Variants in AVEN observed in about 807,000 individuals in gnomAD.
AVEN encodes apoptosis and caspase activation inhibitor, also known as cell death regulator Aven.
AVEN carries 41 observed loss-of-function variants against 38.1 expected under a neutral mutation model. The ratio of observed to expected loss-of-function variants is 1.08; its 90% CI spans 0.84 to 1.40. The LOEUF is 1.40. Among genes scored for constraint, AVEN ranks in the 40% most tolerant of loss-of-function variants. The pLI, the probability that AVEN is intolerant of heterozygous loss-of-function variation, is 0.00. For synonymous variants in AVEN, 206 were observed against 171.8 expected, an observed-to-expected ratio of 1.20 and a Z score of -1.56; for missense variants, 605 against 438.8, an observed-to-expected ratio of 1.38 and a Z score of -3.38.
upstream of AVEN, among the ~76,000 whole-genome samples, chr15:34,039,415 A>AG (rs1226972475): frequency 1.3e-5 from 2 of 151,662 alleles, no homozygotes; most frequent in Non-Finnish European, 2.9e-5. Context: ...CTCTCGGAAA[A>AG]AAAAAGTTTA....
intron 2 of AVEN, among the ~76,000 whole-genome samples, chr15:33,921,931 G>A (rs913066257): frequency 1.3e-5 from 2 of 152,140 alleles, no homozygotes; most frequent in Admixed American, 6.5e-5. Flanking sequence ...AGAGCAGGGA[G>A]CGGAGGGTGG....
intron 1 of AVEN, among the ~76,000 whole-genome samples, chr15:34,036,513 A>G (rs1899135171): frequency 6.6e-6 from 1 of 152,196 alleles, no homozygotes; most frequent in South Asian, 2.1e-4. Context: ...AGAAGGCTTC[A>G]GGAAAGTCAA....
At chr15:34,016,611 TCAA>T (rs1352090777) in intron 1 of AVEN, among the ~76,000 whole-genome samples, 1 of 152,168 alleles carries the variant, frequency 6.6e-6, no homozygotes, top group Non-Finnish European at 1.5e-5. Context: ...TTTGATCCAG[TCAA>T]CAAACTTTTC....
At chr15:34,047,496 C>T (rs1379740089) in intron 5 of AVEN, among the ~76,000 whole-genome samples, 1 of 152,176 alleles carries the variant, frequency 6.6e-6, no homozygotes, top group Admixed American at 6.5e-5. Flanking sequence ...TTTCTGCAGG[C>T]CCCACTTCCC....
intron 1 of AVEN, among the ~76,000 whole-genome samples, chr15:34,003,683 T>C (rs1266078182): frequency 1.3e-5 from 2 of 152,232 alleles, no homozygotes; most frequent in Non-Finnish European, 1.5e-5. Context: ...AACTTAAACA[T>C]ATATTACTAG....
In AVEN at chr15:33,867,840, C is replaced by T. The variant is rs1442694896; in HGVS notation, c.628G>A (p.Glu210Lys). Residue 210 changes from glutamate to lysine, a missense_variant, in exon 5 of 6, where the codon GAG (glutamate) becomes AAG (lysine). By Grantham distance (56) the Glu-to-Lys change is moderately conservative. Transcript: ENST00000306730. Reference protein sequence around the residue: ...AELVQGTVPLEVPQVKPKRTD... With the variant: ...AELVQGTVPLKVPQVKPKRTD... ...CTCTTTGGTTTCACCTGAGGAACCTCTAAAGGAACTGTACCCTGAAAGAGA... is the reference window on the plus strand; with the variant it reads ...CTCTTTGGTTTCACCTGAGGAACCTTTAAAGGAACTGTACCCTGAAAGAGA... The T allele has an allele frequency of 1.3e-6, 2 of 1,589,626 alleles. No individual in the cohort carries two copies. The highest frequency in any genetic ancestry group is 2.7e-5 in the African/African-American group (2 of 73,398).
intron 1 of AVEN, among the ~76,000 whole-genome samples, chr15:34,073,512 CTTTTTTCT>C (rs1217874323): frequency 8.6e-6 from 1 of 116,188 alleles, no homozygotes; most frequent in African/African-American, 3.2e-5. Context: ...CTTTTCTTTT[CTTTTTTCT>C]TTTTTTTTTT....
chr15:34,057,862 C>A (rs1458300907), intron 5 of AVEN, among the ~76,000 whole-genome samples: 2 of 152,082 alleles, frequency 1.3e-5, no homozygotes, highest in Non-Finnish European at 2.9e-5. Context: ...CTGACCAATG[C>A]CAAATTGTGA....
chr15:34,042,668 G>A (rs999784077), upstream of AVEN, among the ~76,000 whole-genome samples: 8 of 151,920 alleles, frequency 5.3e-5, no homozygotes, highest in Admixed American at 2.6e-4. Flanking sequence ...CTCCCAAAGT[G>A]CTGGGATTAC....
downstream of AVEN, chr15:33,864,902 G>A (rs1189277623): frequency 6.2e-6 from 3 of 483,526 alleles, no homozygotes; most frequent in Non-Finnish European, 1.1e-5. Flanking sequence ...TTGCTTGTTT[G>A]GGGCAGAGGG....
chr15:33,932,904 A>G (rs1469004446), intron 2 of AVEN, among the ~76,000 whole-genome samples: 1 of 152,166 alleles, frequency 6.6e-6, no homozygotes, highest in Non-Finnish European at 1.5e-5. Flanking sequence ...TGTTAAATCA[A>G]TATAGTGGGT....
intron 2 of AVEN, chr15:33,991,835 C>T (rs1896738695): frequency 6.6e-6 from 1 of 151,952 alleles, no homozygotes; most frequent in African/African-American, 2.4e-5. Context: ...GCAAAATCAC[C>T]AAGAATCTCT....
At chr15:33,906,703 A>G (rs1892712834) in intron 2 of AVEN, among the ~76,000 whole-genome samples, 1 of 152,234 alleles carries the variant, frequency 6.6e-6, no homozygotes, top group South Asian at 2.1e-4. Flanking sequence ...GACAGAAAGT[A>G]ACATGGTGGT....
intron 2 of AVEN, among the ~76,000 whole-genome samples, chr15:33,907,519 C>T (rs1218433829): frequency 6.6e-6 from 1 of 152,114 alleles, no homozygotes; most frequent in Non-Finnish European, 1.5e-5. Context: ...TAAGTCAGCT[C>T]ATCAGGAAGG....
intron 11 of AVEN, chr15:33,861,104 C>G (rs1158523988): frequency 6.3e-7 from 1 of 1,594,690 alleles, no homozygotes; most frequent in Non-Finnish European, 8.6e-7. Flanking sequence ...GTGGGATTGG[C>G]AATGACTACT....
intron 1 of AVEN, among the ~76,000 whole-genome samples, chr15:34,011,070 T>C (rs910759097): frequency 6.6e-6 from 1 of 152,126 alleles, no homozygotes; most frequent in African/African-American, 2.4e-5. Context: ...CTCATTCCTA[T>C]AATACCTGCA....
intron 2 of AVEN, among the ~76,000 whole-genome samples, chr15:33,891,070 C>T (rs1891931088): frequency 1.3e-5 from 2 of 152,018 alleles, no homozygotes; most frequent in Non-Finnish European, 2.9e-5. Flanking sequence ...GATCACACCA[C>T]TGCACTCCAG....
intron 2 of AVEN, among the ~76,000 whole-genome samples, chr15:33,977,502 T>A (rs1297383199): frequency 6.6e-6 from 1 of 152,210 alleles, no homozygotes; most frequent in African/African-American, 2.4e-5. Context: ...GACAGCGTGC[T>A]TTGATTCAGG....
intron 5 of AVEN, among the ~76,000 whole-genome samples, chr15:34,061,661 G>T (rs1438760821): frequency 6.6e-6 from 1 of 152,142 alleles, no homozygotes; most frequent in Admixed American, 6.5e-5. Context: ...GCTTTTATAA[G>T]GAATGTATTA....
Sources: gnomAD v4.1 joint callset for allele counts (sites outside exome capture counted in the v4.1 genomes callset) on GRCh38, gnomAD v4.1.1 for gene constraint, MANE v1.5 for transcripts, NCBI Gene and HGNC (gene_info 2026-07-23, HGNC 2026-07-21) for gene names.